FOXP2: variants seen among roughly 807,000 people sequenced by gnomAD.
FOXP2 encodes forkhead box P2.
In FOXP2, 12 loss-of-function variants were observed where a neutral mutation model predicts 115.8. The observed-to-expected ratio is 0.10, with a 90% CI of 0.07 to 0.17. FOXP2 has a LOEUF of 0.17. FOXP2 is among the 10% of genes least tolerant of loss of function. FOXP2 has a pLI of 1.00. For missense variants in FOXP2, 629 were observed against 843.5 expected (o/e 0.75, Z 3.15); for synonymous variants, 328 against 297.7 (o/e 1.10, Z -1.05).
chr7:114,570,783 C>T, intron 3 of FOXP2: 1 of 1,598,874 alleles, frequency 6.3e-7, no homozygotes, highest in Non-Finnish European at 8.6e-7. Flanking sequence ...AAAGCCAACT[C>T]CTGATTCTCT....
At chr7:114,481,214 G>C (rs964623691) in intron 2 of FOXP2, among the ~76,000 whole-genome samples, 2 of 151,142 alleles carry the variant, frequency 1.3e-5, no homozygotes, top group African/African-American at 4.8e-5. Flanking sequence ...GAGTTTTATA[G>C]ATAAGCTTCT....
chr7:114,241,387 C>T (rs928931224), intron 1 of FOXP2, among the ~76,000 whole-genome samples: 18 of 151,842 alleles, frequency 1.2e-4, no homozygotes, highest in African/African-American at 4.4e-4. Flanking sequence ...GAGCCAAAAT[C>T]CAGGTAAGGA....
intron 3 of FOXP2, among the ~76,000 whole-genome samples, chr7:114,613,630 G>T (rs1056705970): frequency 1.4e-5 from 2 of 147,914 alleles, no homozygotes; most frequent in Non-Finnish European, 3.0e-5. Flanking sequence ...AGCCTAGATC[G>T]CACCACTGCA....
chr7:114,150,528 G>A (rs1792503012), intron 1 of FOXP2, among the ~76,000 whole-genome samples: 1 of 151,888 alleles, frequency 6.6e-6, no homozygotes, highest in Non-Finnish European at 1.5e-5. Context: ...CCTGGAAATT[G>A]TTCCCTGATA....
chr7:114,212,578 T>C (rs948511913), intron 1 of FOXP2, among the ~76,000 whole-genome samples: 13 of 152,094 alleles, frequency 8.5e-5, no homozygotes, highest in Non-Finnish European at 1.9e-4. Context: ...AACAAGGAGT[T>C]TGACATTTAA....
chr7:114,106,169 C>A (rs1791110036), intron 1 of FOXP2, among the ~76,000 whole-genome samples: 1 of 152,048 alleles, frequency 6.6e-6, no homozygotes, highest in African/African-American at 2.4e-5. Flanking sequence ...TGGGCAAGTT[C>A]TTTCATCTGT....
intron 3 of FOXP2, among the ~76,000 whole-genome samples, chr7:114,537,403 T>C (rs955754229): frequency 2.0e-5 from 3 of 151,610 alleles, no homozygotes; most frequent in African/African-American, 2.4e-5. Context: ...TTTTGAAGTA[T>C]AGTTTTGATA....
chr7:114,691,759 G>T lies in FOXP2; in HGVS notation c.*1833G>T. On this transcript the variant is annotated 3_prime_UTR_variant, in exon 17 of 17. Coordinates refer to ENST00000350908, the MANE Select transcript of FOXP2 (RefSeq NM_014491.4). ...AGCTTAACATACGTTCCCGTTCCAT[G>T]TGATGGAACCGGTTCTTGCAAACTA... 8.8e-6 allele frequency: 4 copies of T among 453,726 alleles called. No homozygotes were observed. Among genetic ancestry groups the T allele is most frequent in the South Asian group, 6.2e-5 (4 of 64,382 alleles). 28.1% of individuals were successfully genotyped at this position (453,726 alleles called of 1,614,324 possible). A position where few individuals can be genotyped will look rare whatever the true frequency, so the allele number is the denominator to read the frequency against.
At chr7:114,446,206 T>C (rs1014403290) in intron 2 of FOXP2, among the ~76,000 whole-genome samples, 3 of 152,086 alleles carry the variant, frequency 2.0e-5, no homozygotes, top group Non-Finnish European at 4.4e-5. Flanking sequence ...TAATTACAAT[T>C]CTAAAGTCCC....
At chr7:114,329,383 G>A (rs1797637801) in intron 2 of FOXP2, among the ~76,000 whole-genome samples, 1 of 151,732 alleles carries the variant, frequency 6.6e-6, no homozygotes, top group South Asian at 2.1e-4. Flanking sequence ...GCTGGGCATA[G>A]TGGCGGGTGC....
At chr7:114,459,165 A>G (rs1795451606) in intron 2 of FOXP2, among the ~76,000 whole-genome samples, 1 of 152,196 alleles carries the variant, frequency 6.6e-6, no homozygotes, top group South Asian at 2.1e-4. Context: ...AGCTAGGCCC[A>G]GAACTGGCAA....
intron 1 of FOXP2, among the ~76,000 whole-genome samples, chr7:114,193,446 A>G (rs1273715810): frequency 2.0e-5 from 3 of 151,784 alleles, no homozygotes; most frequent in Non-Finnish European, 4.4e-5. Flanking sequence ...AAACTGTAAT[A>G]ATATATAATT....
chr7:114,598,107 G>A (rs1802821865), intron 3 of FOXP2, among the ~76,000 whole-genome samples: 1 of 151,938 alleles, frequency 6.6e-6, no homozygotes, highest in Non-Finnish European at 1.5e-5. Flanking sequence ...CTATAATGTT[G>A]ACTTTTTTTG....
At chr7:114,327,940 T>G (rs79200365) in intron 2 of FOXP2, among the ~76,000 whole-genome samples, 13,567 of 151,752 alleles carry the variant, frequency 0.089, 1,014 homozygotes, top group East Asian at 0.29. Flanking sequence ...TTTTAATTTT[T>G]GATAGAGCCT....
chr7:114,224,119 T>A (rs887907301), intron 1 of FOXP2, among the ~76,000 whole-genome samples: 2 of 152,150 alleles, frequency 1.3e-5, no homozygotes, highest in African/African-American at 2.4e-5. Flanking sequence ...TTATTTCCAT[T>A]TATATCTGGC....
intron 11 of FOXP2, 44 bp downstream of exon 11, chr7:114,658,311 G>A (rs1806697377): frequency 2.5e-6 from 4 of 1,585,812 alleles, no homozygotes; most frequent in Non-Finnish European, 3.5e-6. Flanking sequence ...TTTGGGAGAG[G>A]AAAACTGTAG....
chr7:114,214,748 C>G (rs1794446403), intron 1 of FOXP2, among the ~76,000 whole-genome samples: 1 of 152,148 alleles, frequency 6.6e-6, no homozygotes, highest in Non-Finnish European at 1.5e-5. Context: ...GCTTACTTTA[C>G]TCCCAAACTT....
intron 1 of FOXP2, among the ~76,000 whole-genome samples, chr7:114,168,895 G>T (rs998354806): frequency 6.6e-6 from 1 of 152,180 alleles, no homozygotes; most frequent in Admixed American, 6.5e-5. Context: ...AGCTGAAAGG[G>T]ACAAATGTAG....
At chr7:114,400,569 T>C (rs551841253) in intron 2 of FOXP2, among the ~76,000 whole-genome samples, 1 of 152,222 alleles carries the variant, frequency 6.6e-6, no homozygotes, top group Admixed American at 6.5e-5. Context: ...CACCAGATAA[T>C]AGTTTCATGG....
Sources: gnomAD v4.1 joint callset for allele counts (sites outside exome capture counted in the v4.1 genomes callset) on GRCh38, gnomAD v4.1.1 for gene constraint, MANE v1.5 for transcripts, NCBI Gene and HGNC (gene_info 2026-07-23, HGNC 2026-07-21) for gene names.